Variants in METTL14 observed in about 807,000 individuals in gnomAD.
The protein encoded by METTL14 is N(6)-adenosine-methyltransferase non-catalytic subunit METTL14.
In METTL14, 32 loss-of-function variants were observed where a neutral mutation model predicts 62.4. The ratio of observed to expected loss-of-function variants is 0.51; its 90% CI spans 0.39 to 0.69. The LOEUF is 0.69. Ranked by LOEUF, METTL14 falls within the 30% of genes least tolerant of loss-of-function variation. METTL14 has a pLI of 0.00. For missense variants in METTL14, 340 were observed against 551.9 expected (o/e 0.62, Z 3.85); for synonymous variants, 150 against 180.0 (o/e 0.83, Z 1.34).
At chr4:118,699,666 G>GC (rs1724528143) in intron 7 of METTL14, among the ~76,000 whole-genome samples, 1 of 152,114 alleles carries the variant, frequency 6.6e-6, no homozygotes, top group South Asian at 2.1e-4. Flanking sequence ...TGAGGTTTCA[G>GC]CAGTGAAGGT....
chr4:118,685,626 G>A, intron 1 of METTL14, 26 bp downstream of exon 1: 1 of 1,611,402 alleles, frequency 6.2e-7, no homozygotes, highest in South Asian at 1.1e-5. Flanking sequence ...GTCCCCTGTG[G>A]GAGGGATCGA....
chr4:118,686,196 G>A (rs114643985), intron 1 of METTL14, among the ~76,000 whole-genome samples: 302 of 152,216 alleles, frequency 2.0e-3, no homozygotes, highest in African/African-American at 6.9e-3. Flanking sequence ...AATGAAAAAG[G>A]CTCCATACGT....
chr4:118,690,035 C>CTTTTTTTTTTTTT (rs70941200), intron 3 of METTL14, among the ~76,000 whole-genome samples: 1 of 86,640 alleles, frequency 1.2e-5, no homozygotes, highest in Admixed American at 1.8e-4. Context: ...TAATAATATT[C>CTTTTTTTTTTTTT]TTTTTTTTTT....
At chr4:118,686,696 A>G (rs1256414660) in intron 1 of METTL14, 7 of 454,298 alleles carry the variant, frequency 1.5e-5, no homozygotes, top group Admixed American at 4.7e-5. Context: ...TTATCTTCAA[A>G]AATGTTAAGT....
At position 118,700,630 on chromosome 4, in the gene METTL14, C is replaced by T. The variant is rs761381548; in HGVS notation, c.726C>T (p.Asp242=). ...GGTGTGGTTCTGGGGAGGGGTTGGA[C>T]CTTGGAAGAGTGGTAAGATGGTGCT... ...FLWCGSGEGL[D]LGRVCLRKWG... is the part of the protein sequence containing the mutation. Residue 242 remains aspartate (D), a synonymous_variant, in exon 8 of 11, where the codon GAC becomes GAT. Transcript: ENST00000388822. The T allele has an allele frequency of 2.5e-6, 4 of 1,608,146 alleles. No homozygotes were observed. The South Asian group carries it at 3.3e-5, about 13-fold the overall frequency.
intron 6 of METTL14, among the ~76,000 whole-genome samples, chr4:118,695,693 T>C (rs1724387855): frequency 6.6e-6 from 1 of 152,218 alleles, no homozygotes; most frequent in South Asian, 2.1e-4. Context: ...TTCTTAACAA[T>C]TTGGAATATG....
chr4:118,686,659 T>G (rs1170799347), intron 1 of METTL14: 1 of 455,970 alleles, frequency 2.2e-6, no homozygotes, highest in African/African-American at 2.0e-5. Context: ...TTTCTAAGTC[T>G]TCTTTTCGCC....
chr4:118,686,314 T>C (rs1189248155), intron 1 of METTL14, among the ~76,000 whole-genome samples: 1 of 152,244 alleles, frequency 6.6e-6, no homozygotes, highest in Non-Finnish European at 1.5e-5. Flanking sequence ...CTTTCTTGTG[T>C]ATGAGTAAGT....
intron 8 of METTL14, among the ~76,000 whole-genome samples, 191 bp downstream of exon 8, chr4:118,700,833 A>G (rs965073913): frequency 4.6e-5 from 7 of 152,222 alleles, no homozygotes; most frequent in African/African-American, 1.2e-4. Flanking sequence ...GTTTACCAGC[A>G]CTAGGGAGGA....
chr4:118,712,827 C>G lies in METTL14; in HGVS notation c.*2525C>G, dbSNP rs1724961949. 1 of 152,132 alleles carries G rather than the reference C, an allele frequency of 6.6e-6. No homozygotes were observed. The highest frequency in any genetic ancestry group is 2.4e-5 in the African/African-American group (1 of 41,424). The allele number at this position is 152,132 out of a possible 1,614,324, so 9.4% of individuals were successfully genotyped here. On this transcript the variant is annotated 3_prime_UTR_variant, in exon 11 of 11. Transcript: ENST00000388822. The stretch of plus-strand genomic sequence containing the variant: ...CAGTGAGAACCATTTTCCCACTGAC[C>G]TTCCTCCTTTCAGAGGATGGGGATT...
intron 1 of METTL14, among the ~76,000 whole-genome samples, chr4:118,686,275 C>T (rs1724055827): frequency 6.6e-6 from 1 of 152,214 alleles, no homozygotes; most frequent in African/African-American, 2.4e-5. Flanking sequence ...CTCCCCAAAG[C>T]TTGTCTTCTA....
At chr4:118,688,096 C>A in intron 2 of METTL14, 85 bp downstream of exon 2, 1 of 1,071,254 alleles carries the variant, frequency 9.3e-7, no homozygotes, top group Non-Finnish European at 1.4e-6. Flanking sequence ...AGTACAGTAG[C>A]ATGATTATGG....
intron 10 of METTL14, among the ~76,000 whole-genome samples, chr4:118,706,085 C>T (rs1430159745): frequency 1.4e-4 from 21 of 152,176 alleles, no homozygotes; most frequent in Non-Finnish European, 4.4e-5. Flanking sequence ...AAATGATGAA[C>T]CTACATTGAC....
intron 9 of METTL14, among the ~76,000 whole-genome samples, chr4:118,704,982 A>AGAATT (rs1724711111): frequency 1.3e-5 from 2 of 152,318 alleles, no homozygotes; most frequent in African/African-American, 4.8e-5. Flanking sequence ...AGATAGTGTC[A>AGAATT]GAATTGAATT....
In METTL14 at chr4:118,711,655, C is replaced by T. The variant is rs1724923912; in HGVS notation, c.*1353C>T. On this transcript the variant is annotated 3_prime_UTR_variant, in exon 11 of 11. Transcript: ENST00000388822. ...GTGATAGAAGAAATAAGGCTGAGATCCTTAAAAGCCTAATTAATTTAACTC... is the reference window on the plus strand; with the variant it reads ...GTGATAGAAGAAATAAGGCTGAGATTCTTAAAAGCCTAATTAATTTAACTC... The T allele has an allele frequency of 6.6e-6, 1 of 152,038 alleles. No homozygotes were observed. 9.4% of individuals were successfully genotyped at this position (152,038 alleles called of 1,614,324 possible).
intron 5 of METTL14, among the ~76,000 whole-genome samples, chr4:118,692,722 A>G (rs974424746): frequency 1.3e-5 from 2 of 151,868 alleles, no homozygotes; most frequent in African/African-American, 2.4e-5. Context: ...TTTTTTTTTA[A>G]TGTATCCACA....
rs1347864187 is a variant in METTL14 at position 118,714,593 on chromosome 4, T to G, written c.*4291T>G. ...AAAATACCACATGCATATTTTCTTT[T>G]TTATTTTTATTTTTTGAGACAGAGT... On this transcript the variant is annotated 3_prime_UTR_variant, in exon 11 of 11. Transcript: ENST00000388822. 6.6e-6 allele frequency: 1 copy of G among 152,230 alleles called. No homozygotes were observed. The highest frequency in any genetic ancestry group is 1.5e-5 in the Non-Finnish European group (1 of 68,042). The allele number at this position is 152,230 out of a possible 1,614,324, so 9.4% of individuals were successfully genotyped here.
At chr4:118,698,983 A>C (rs1724509684) in intron 7 of METTL14, among the ~76,000 whole-genome samples, 1 of 152,184 alleles carries the variant, frequency 6.6e-6, no homozygotes, top group Non-Finnish European at 1.5e-5. Flanking sequence ...ATATAAAAGA[A>C]ATTTAAAAAC....
chr4:118,695,609 G>A (rs961671607), intron 6 of METTL14, among the ~76,000 whole-genome samples: 44 of 152,254 alleles, frequency 2.9e-4, no homozygotes, highest in African/African-American at 9.9e-4. Flanking sequence ...GTTTGTTAAA[G>A]GAAGCTTAGA....
Sources: gnomAD v4.1 joint callset for allele counts (sites outside exome capture counted in the v4.1 genomes callset) on GRCh38, gnomAD v4.1.1 for gene constraint, MANE v1.5 for transcripts, NCBI Gene and HGNC (gene_info 2026-07-23, HGNC 2026-07-21) for gene names.